GLIS1: variants seen among roughly 807,000 people sequenced by gnomAD.
GLIS1 encodes the protein zinc finger protein GLIS1.
GLIS1 carries 24 observed loss-of-function variants against 63.8 expected under a neutral mutation model. That is an observed-to-expected ratio of 0.38 (90% confidence interval 0.27 to 0.53). GLIS1 has a LOEUF of 0.53. Ranked by LOEUF, GLIS1 falls within the 20% of genes least tolerant of loss-of-function variation. GLIS1 has a pLI of 0.85. For missense variants in GLIS1, 1,036 were observed against 1,074.1 expected (o/e 0.96, Z 0.50); for synonymous variants, 450 against 482.5 (o/e 0.93, Z 0.88).
At chr1:53,700,007 G>A (rs1175324774) in intron 2 of GLIS1, among the ~76,000 whole-genome samples, 2 of 152,204 alleles carry the variant, frequency 1.3e-5, no homozygotes, top group African/African-American at 4.8e-5. Flanking sequence ...AAAGGTCACA[G>A]AGCCAGAAGA....
chr1:53,709,407 T>TAC (rs1244921840), intron 2 of GLIS1, among the ~76,000 whole-genome samples: 1 of 32,538 alleles, frequency 3.1e-5, no homozygotes, highest in African/African-American at 1.2e-4. Context: ...TATACATATA[T>TAC]ATATACACAC....
intron 2 of GLIS1, among the ~76,000 whole-genome samples, chr1:53,647,886 A>G (rs1302085700): frequency 6.6e-6 from 1 of 152,204 alleles, no homozygotes; most frequent in Non-Finnish European, 1.5e-5. Context: ...ATTAAAAAAA[A>G]CTTCCCCAGA....
At chr1:53,719,372 A>G (rs570131383) in intron 2 of GLIS1, among the ~76,000 whole-genome samples, 14 of 152,170 alleles carry the variant, frequency 9.2e-5, no homozygotes, top group African/African-American at 3.4e-4. Context: ...GGGGCAGAAA[A>G]CGTCAGCTTC....
At chr1:53,614,835 CAT>C (rs149686417) in intron 2 of GLIS1, among the ~76,000 whole-genome samples, 2,807 of 151,938 alleles carry the variant, frequency 0.018, 82 homozygotes, top group African/African-American at 0.065. Flanking sequence ...CTTTCACACA[CAT>C]GCACACACAC....
chr1:53,583,502 C>T (rs955207579), intron 4 of GLIS1, among the ~76,000 whole-genome samples: 38 of 152,308 alleles, frequency 2.5e-4, no homozygotes, highest in Admixed American at 2.2e-3. Context: ...GTCCCATTGC[C>T]CCATCCCCAG....
chr1:53,547,909 G>T (rs184538002), intron 4 of GLIS1, among the ~76,000 whole-genome samples: 75 of 152,348 alleles, frequency 4.9e-4, no homozygotes, highest in African/African-American at 1.8e-3. Flanking sequence ...GTCTCTGTGA[G>T]GGGGCAGCAG....
chr1:53,518,750 A>G (rs1042144327), intron 7 of GLIS1, among the ~76,000 whole-genome samples: 1 of 152,210 alleles, frequency 6.6e-6, no homozygotes, highest in Non-Finnish European at 1.5e-5. Context: ...ATCCTACTGC[A>G]CAGCGTAGTT....
chr1:53,519,314 C>T (rs1054237884), intron 7 of GLIS1, among the ~76,000 whole-genome samples: 1 of 152,104 alleles, frequency 6.6e-6, no homozygotes, highest in Admixed American at 6.5e-5. Context: ...GAGCACAAAC[C>T]CCTGGAAAGG....
At chr1:53,655,671 G>A (rs966653122) in intron 2 of GLIS1, among the ~76,000 whole-genome samples, 2 of 152,162 alleles carry the variant, frequency 1.3e-5, no homozygotes, top group African/African-American at 4.8e-5. Flanking sequence ...AGCCATCGCT[G>A]CTCCACACAG....
At chr1:53,686,455 G>C (rs1646338134) in intron 2 of GLIS1, among the ~76,000 whole-genome samples, 1 of 152,232 alleles carries the variant, frequency 6.6e-6, no homozygotes, top group Admixed American at 6.5e-5. Flanking sequence ...AGGAAAGAGA[G>C]CAGAGGTCCT....
intron 4 of GLIS1, among the ~76,000 whole-genome samples, chr1:53,567,638 G>C (rs750753730): frequency 6.6e-6 from 1 of 152,180 alleles, no homozygotes; most frequent in Non-Finnish European, 1.5e-5. Context: ...AAATGGTTTC[G>C]TGGGCTGGGC....
chr1:53,546,041 G>T (rs1202882953), intron 4 of GLIS1, among the ~76,000 whole-genome samples: 1 of 152,262 alleles, frequency 6.6e-6, no homozygotes, highest in Non-Finnish European at 1.5e-5. Context: ...CTTGCCGAAG[G>T]GCAGGGGATA....
chr1:53,679,848 G>A (rs549283969), intron 2 of GLIS1, among the ~76,000 whole-genome samples: 36 of 152,308 alleles, frequency 2.4e-4, no homozygotes, highest in African/African-American at 7.7e-4. Context: ...TCTCCAGCTC[G>A]TTGGTCCTTT....
rs550089628 is a variant in GLIS1, at chr1:53,648,008, C to CA, written c.260-47731dup. ...TCAACATGATGAAACTCCATTGCTA[C>CA]AAAAAAACAAAAAATTAGCCAGGCA... On this transcript the variant is annotated intron_variant, in intron 2 of 10. Coordinates refer to ENST00000628545, the MANE Select transcript of GLIS1 (RefSeq NM_001367484.1). Among the ~76,000 whole-genome samples, 16 of 151,822 alleles carry CA rather than the reference C, an allele frequency of 1.1e-4. No individual in the cohort carries two copies. In the East Asian group the frequency reaches 1.4e-3, roughly 13 times the overall value.
At chr1:53,552,747 C>T (rs1198359866) in intron 4 of GLIS1, among the ~76,000 whole-genome samples, 3 of 152,354 alleles carry the variant, frequency 2.0e-5, no homozygotes, top group East Asian at 3.9e-4. Context: ...AGCTGGACCA[C>T]GGGCTGGCAG....
Position 53,683,534 on chromosome 1 carries a change from G to A in GLIS1, c.259+54272C>T, listed in dbSNP as rs140764698. 4.3e-3 allele frequency among the ~76,000 whole-genome samples: 657 copies of A among 152,156 alleles called. 3 individuals are homozygous for A. Among genetic ancestry groups the A allele is most frequent in the African/African-American group, 0.015 (633 of 41,488 alleles). On this transcript the variant is annotated intron_variant, in intron 2 of 10. Transcript: ENST00000628545. ...ATGAGGGCACCACCTACCTCAGAGA[G>A]TTCTCACGTGGATCACACGAGATCA...
intron 2 of GLIS1, among the ~76,000 whole-genome samples, chr1:53,707,200 G>A (rs1465738130): frequency 6.6e-6 from 1 of 152,176 alleles, no homozygotes; most frequent in Admixed American, 6.5e-5. Flanking sequence ...AGGGGAGAAA[G>A]AAGATAAGGA....
In GLIS1 at chr1:53,594,505, C is replaced by A. The variant is rs1366001854; in HGVS notation, c.923G>T (p.Ser308Ile). The stretch of plus-strand genomic sequence containing the variant: ...CTTCCGGCAGGCTTCAAGTTGCAAG[C>A]TGCCCTCATGGCTGTCCGTCGATGC... ...GPASTDSHEGSLQLEACRKAS... is the reference protein window; with the variant it reads ...GPASTDSHEGILQLEACRKAS... The change falls in exon 4 of 11, where the codon AGC (serine) becomes ATC (isoleucine). Residue 308 changes from serine to isoleucine, a missense_variant. Physicochemically the swap from Ser to Ile is moderately radical, Grantham distance 142. Coordinates refer to ENST00000628545, the MANE Select transcript of GLIS1 (RefSeq NM_001367484.1). The A allele has an allele frequency of 6.2e-7, 1 of 1,613,026 alleles. No individual in the cohort carries two copies. The highest frequency in any genetic ancestry group is 1.7e-5 in the Admixed American group (1 of 60,026).
intron 2 of GLIS1, among the ~76,000 whole-genome samples, chr1:53,638,966 T>C (rs984766939): frequency 2.4e-4 from 36 of 151,366 alleles, no homozygotes; most frequent in Non-Finnish European, 8.8e-5. Flanking sequence ...GGGCAGGGAG[T>C]GGAGGGCAGA....
Sources: allele counts gnomAD v4.1 joint callset (sites outside exome capture counted in the v4.1 genomes callset), GRCh38; gene constraint gnomAD v4.1.1; transcripts MANE v1.5; gene names NCBI Gene and HGNC (gene_info 2026-07-23, HGNC 2026-07-21).